Variants in GRXCR1 observed in about 807,000 individuals in gnomAD.
The protein encoded by GRXCR1 is glutaredoxin and cysteine rich domain containing 1.
In GRXCR1, 27 loss-of-function variants were observed where a neutral mutation model predicts 27.3. The ratio of observed to expected loss-of-function variants is 0.99; its 90% CI spans 0.73 to 1.37. GRXCR1 has a LOEUF of 1.37. Among genes scored for constraint, GRXCR1 ranks in the 40% most tolerant of loss-of-function variants. The pLI is 0.00. For synonymous variants in GRXCR1, 122 were observed against 131.1 expected, an observed-to-expected ratio of 0.93 and a Z score of 0.47; for missense variants, 379 against 354.4, an observed-to-expected ratio of 1.07 and a Z score of -0.56.
intron 3 of GRXCR1, among the ~76,000 whole-genome samples, chr4:43,030,000 T>A (rs953347304): frequency 3.3e-5 from 5 of 152,232 alleles, no homozygotes; most frequent in African/African-American, 1.2e-4. Flanking sequence ...ATGATACTAA[T>A]GGGAAAGTTA....
At chr4:42,984,223 G>C (rs1349754958) in intron 2 of GRXCR1, among the ~76,000 whole-genome samples, 1 of 151,438 alleles carries the variant, frequency 6.6e-6, no homozygotes, top group African/African-American at 2.4e-5. Flanking sequence ...TCAACACCAG[G>C]GTTTCTGTTT....
chr4:42,989,280 T>C (rs770604072), intron 2 of GRXCR1, among the ~76,000 whole-genome samples: 2 of 152,108 alleles, frequency 1.3e-5, no homozygotes, highest in Non-Finnish European at 2.9e-5. Flanking sequence ...GTGGCTGCCT[T>C]CTTGGGGTGT....
In GRXCR1 at chr4:42,963,100, T is replaced by C; in HGVS notation, c.593T>C (p.Leu198Pro). Residue 198 changes from leucine (L) to proline (P), a missense_variant, in exon 2 of 4, where the codon CTC becomes CCC. Leu to Pro is a moderately conservative substitution (Grantham distance 98). Coordinates refer to ENST00000399770, the MANE Select transcript of GRXCR1 (RefSeq NM_001080476.3). The stretch of plus-strand genomic sequence containing the variant: ...CGACGAGTTTCTGAAGCTCCTTCCC[T>C]CCCTGTTGTGTTCATTGATGGCCAT... ...RCRRVSEAPS[L>P]PVVFIDGHYL... 1.2e-6 allele frequency: 2 copies of C among 1,612,790 alleles called. No individual in the cohort carries two copies. The highest frequency in any genetic ancestry group is 1.7e-6 in the Non-Finnish European group (2 of 1,179,042).
At chr4:42,906,111 C>A (rs1359559758) in intron 1 of GRXCR1, among the ~76,000 whole-genome samples, 1 of 152,116 alleles carries the variant, frequency 6.6e-6, no homozygotes, top group Non-Finnish European at 1.5e-5. Context: ...AGGTTCACAG[C>A]TTTTCACCTT....
At chr4:42,905,580 G>A (rs544833427) in intron 1 of GRXCR1, among the ~76,000 whole-genome samples, 7 of 152,208 alleles carry the variant, frequency 4.6e-5, no homozygotes, top group East Asian at 3.9e-4. Flanking sequence ...GACGTTTCCC[G>A]TTGTTCTGTC....
At chr4:43,017,365 T>G (rs1042730546) in intron 2 of GRXCR1, among the ~76,000 whole-genome samples, 7 of 152,190 alleles carry the variant, frequency 4.6e-5, no homozygotes, top group African/African-American at 1.7e-4. Flanking sequence ...AGTATAGGTT[T>G]TGGAGTCAGC....
At chr4:42,953,969 T>C (rs1747941536) in intron 1 of GRXCR1, among the ~76,000 whole-genome samples, 2 of 152,064 alleles carry the variant, frequency 1.3e-5, no homozygotes, top group African/African-American at 4.8e-5. Context: ...CAGGAAACTG[T>C]CCAGGATTAT....
chr4:42,899,368 A>G (rs908668670), intron 1 of GRXCR1, among the ~76,000 whole-genome samples: 48 of 152,252 alleles, frequency 3.2e-4, no homozygotes, highest in Middle Eastern at 6.8e-3. Flanking sequence ...GCCTTCATGG[A>G]CTATCCAGCA....
At chr4:42,940,489 A>C (rs1049770351) in intron 1 of GRXCR1, among the ~76,000 whole-genome samples, 4 of 152,040 alleles carry the variant, frequency 2.6e-5, no homozygotes, top group African/African-American at 9.7e-5. Context: ...ACCTCTTTAC[A>C]TGCTGGAGCT....
chr4:42,936,556 T>A (rs1036077495), intron 1 of GRXCR1, among the ~76,000 whole-genome samples: 2 of 151,942 alleles, frequency 1.3e-5, no homozygotes, highest in Admixed American at 6.6e-5. Flanking sequence ...GTGGTACATT[T>A]GTCACAGTTA....
At chr4:42,895,261 G>C (rs1305173558) in intron 1 of GRXCR1, among the ~76,000 whole-genome samples, 2 of 151,956 alleles carry the variant, frequency 1.3e-5, no homozygotes, top group Non-Finnish European at 2.9e-5. Context: ...GCCCCATTTT[G>C]AGAAAAAAGC....
chr4:42,932,378 G>A (rs1186511506), intron 1 of GRXCR1, among the ~76,000 whole-genome samples: 1 of 151,108 alleles, frequency 6.6e-6, no homozygotes, highest in Non-Finnish European at 1.5e-5. Flanking sequence ...GCTCCAGGTT[G>A]CTCCCTGCTT....
intron 2 of GRXCR1, among the ~76,000 whole-genome samples, chr4:42,989,101 A>C (rs974339376): frequency 2.0e-5 from 3 of 152,202 alleles, no homozygotes; most frequent in Non-Finnish European, 4.4e-5. Flanking sequence ...CAGGAAACAC[A>C]CTTTCTATAA....
chr4:42,935,396 A>C (rs1489235580), intron 1 of GRXCR1, among the ~76,000 whole-genome samples: 1 of 151,922 alleles, frequency 6.6e-6, no homozygotes, highest in Non-Finnish European at 1.5e-5. Flanking sequence ...TAAAGTTAGT[A>C]TTACAGACAG....
At chr4:42,899,114 A>G (rs1746411503) in intron 1 of GRXCR1, among the ~76,000 whole-genome samples, 2 of 151,872 alleles carry the variant, frequency 1.3e-5, no homozygotes, top group African/African-American at 4.8e-5. Context: ...ACCTCAATAA[A>G]TTTTCTTCCT....
At chr4:42,948,138 A>G (rs1349410) in intron 1 of GRXCR1, among the ~76,000 whole-genome samples, 53,880 of 151,962 alleles carry the variant, frequency 0.35, 10,098 homozygotes, top group East Asian at 0.5. Flanking sequence ...TTATGCAAAA[A>G]TTTAAAACAT....
intron 2 of GRXCR1, among the ~76,000 whole-genome samples, chr4:42,983,724 TG>T (rs1165934475): frequency 6.6e-6 from 1 of 152,186 alleles, no homozygotes; most frequent in African/African-American, 2.4e-5. Flanking sequence ...CCTATTTTAA[TG>T]CTCTGCCATA....
At chr4:42,990,357 A>G (rs1711930877) in intron 2 of GRXCR1, among the ~76,000 whole-genome samples, 1 of 150,238 alleles carries the variant, frequency 6.7e-6, no homozygotes, top group African/African-American at 2.4e-5. Flanking sequence ...ACGCCCGGCT[A>G]ATTTTTTGTA....
chr4:42,915,548 T>C (rs1365106610), intron 1 of GRXCR1, among the ~76,000 whole-genome samples: 2 of 152,204 alleles, frequency 1.3e-5, no homozygotes, highest in African/African-American at 4.8e-5. Context: ...ACTTTTGTTT[T>C]GTGGTGATAC....
Sources: gnomAD v4.1 joint callset for allele counts (sites outside exome capture counted in the v4.1 genomes callset) on GRCh38, gnomAD v4.1.1 for gene constraint, MANE v1.5 for transcripts, NCBI Gene and HGNC (gene_info 2026-07-23, HGNC 2026-07-21) for gene names.